The following RPS6KA5 variants were observed in gnomAD, a reference collection of about 807,000 sequenced individuals.
RPS6KA5 encodes ribosomal protein S6 kinase alpha-5.
In RPS6KA5, 27 loss-of-function variants were observed where a neutral mutation model predicts 85.5. The observed-to-expected ratio is 0.32, with a 90% confidence interval of 0.23 to 0.44. RPS6KA5 has a LOEUF of 0.44. Among genes scored for constraint, RPS6KA5 ranks in the 20% least tolerant of loss-of-function variants. The pLI is 1.00. For missense variants in RPS6KA5, 811 were observed against 980.9 expected, an observed-to-expected ratio of 0.83 and a Z score of 2.31; for synonymous variants, 334 against 348.2, an observed-to-expected ratio of 0.96 and a Z score of 0.46.
intron 4 of RPS6KA5, among the ~76,000 whole-genome samples, chr14:90,946,053 T>G (rs1364006841): frequency 2.6e-5 from 4 of 152,236 alleles, no homozygotes; most frequent in Non-Finnish European, 4.4e-5. Context: ...ATTTTTATAT[T>G]ATAAACTAAT....
chr14:91,044,273 GAAAGAAAGAGAGAGAGAGAGAA>G (rs1285695313), intron 1 of RPS6KA5, among the ~76,000 whole-genome samples: 28 of 18,570 alleles, frequency 1.5e-3, no homozygotes, highest in African/African-American at 5.4e-3. Context: ...GAGAGAGAGA[GAAAGAAAGAGAGAGAGAGAGAA>G]AGAGAGAGAA....
chr14:91,060,059 G>A (rs563135790), intron 1 of RPS6KA5: 8 of 985,408 alleles, frequency 8.1e-6, no homozygotes, highest in Middle Eastern at 5.2e-4. Context: ...GGAGGTGCGT[G>A]CCACGGGCAG....
At chr14:90,997,963 G>A (rs1211623744) in intron 2 of RPS6KA5, among the ~76,000 whole-genome samples, 1 of 144,992 alleles carries the variant, frequency 6.9e-6, no homozygotes, top group Non-Finnish European at 1.5e-5. Flanking sequence ...CTGTGAGATT[G>A]CGCCACTGCA....
Position 90,866,047 on chromosome 14 carries a change from T to A in RPS6KA5, c.*6027A>T, listed in dbSNP as rs1415814942. ...CGGAATTACAATTTATAAATGTAGG[T>A]CCACATGCAGATATCTTAATAAGTA... is the stretch of plus-strand genomic sequence containing the variant. On this transcript the variant is annotated 3_prime_UTR_variant, in exon 17 of 17. Transcript: ENST00000614987. The A allele has an allele frequency of 6.9e-6, 1 of 145,298 alleles. No individual in the cohort carries two copies. Among genetic ancestry groups the A allele is most frequent in the Non-Finnish European group, 1.5e-5 (1 of 65,314 alleles). 9.0% of individuals were successfully genotyped at this position (145,298 alleles called of 1,614,324 possible).
At chr14:91,005,516 T>TG (rs1360786395) in intron 1 of RPS6KA5, among the ~76,000 whole-genome samples, 1 of 152,128 alleles carries the variant, frequency 6.6e-6, no homozygotes, top group Non-Finnish European at 1.5e-5. Flanking sequence ...TATTTAGGCA[T>TG]GGGGGAGTAT....
chr14:90,893,968 T>C (rs752466827), intron 13 of RPS6KA5: 130 of 835,262 alleles, frequency 1.6e-4, no homozygotes, highest in Middle Eastern at 6.1e-4. Flanking sequence ...GACAACTCTT[T>C]AAGTATTTAG....
intron 3 of RPS6KA5, among the ~76,000 whole-genome samples, chr14:90,954,045 G>A (rs529516508): frequency 1.3e-5 from 2 of 152,252 alleles, no homozygotes; most frequent in African/African-American, 2.4e-5. Context: ...AAAACTTGCT[G>A]GCTTTAAGGC....
chr14:91,005,225 G>C lies in RPS6KA5; in HGVS notation c.104-4066C>G, dbSNP rs185201368. 1.8e-4 allele frequency among the ~76,000 whole-genome samples: 28 copies of C among 152,276 alleles called. 1 individual carries two copies. Among genetic ancestry groups the C allele is most frequent in the South Asian group, 6.2e-4 (3 of 4,826 alleles). On this transcript the variant is annotated intron_variant, in intron 1 of 16. Transcript: ENST00000614987. ...GTCTTTGAGTTTCATCCAGGTTTCT[G>C]ACAGTCTACTATTTTTCCACCAGAA... is the stretch of plus-strand genomic sequence containing the variant.
chr14:90,871,999 A>G lies in RPS6KA5; in HGVS notation c.*75T>C. ...TGAGACCAACGGGAAACATTTTTAA[A>G]AGCATAAAAGATCGCCTCAGGCATA... is the stretch of plus-strand genomic sequence containing the variant. On this transcript the variant is annotated 3_prime_UTR_variant, in exon 17 of 17. Coordinates refer to ENST00000614987, the MANE Select transcript of RPS6KA5 (RefSeq NM_004755.4). 1 of 1,511,566 alleles carries G rather than the reference A, an allele frequency of 6.6e-7. No individual in the cohort carries two copies. The highest frequency in any genetic ancestry group is 1.3e-5 in the South Asian group (1 of 74,730). The allele number at this position is 1,511,566 out of a possible 1,614,324, so 93.6% of individuals were successfully genotyped here.
intron 5 of RPS6KA5, among the ~76,000 whole-genome samples, chr14:90,926,069 AT>A (rs1247486287): frequency 3.3e-5 from 5 of 152,136 alleles, no homozygotes; most frequent in Non-Finnish European, 7.4e-5. Flanking sequence ...AAGACAGTAA[AT>A]TAGAGGATAC....
chr14:91,000,162 C>T (rs936732831), intron 2 of RPS6KA5, among the ~76,000 whole-genome samples: 80 of 152,244 alleles, frequency 5.3e-4, no homozygotes, highest in Middle Eastern at 3.4e-3. Context: ...TATCCATATA[C>T]ACATGTAGAT....
intron 1 of RPS6KA5, among the ~76,000 whole-genome samples, chr14:91,047,372 T>A (rs188022873): frequency 1.5e-4 from 23 of 152,266 alleles, no homozygotes; most frequent in Admixed American, 3.9e-4. Flanking sequence ...AGCCACCCAC[T>A]TCAGAGCACT....
chr14:90,888,724 T>C (rs2034379461), intron 14 of RPS6KA5, among the ~76,000 whole-genome samples: 2 of 152,096 alleles, frequency 1.3e-5, no homozygotes, highest in African/African-American at 2.4e-5. Flanking sequence ...GCGGTGGGCA[T>C]AGGAGTGGAG....
chr14:90,886,150 A>C (rs1434118363), intron 14 of RPS6KA5, among the ~76,000 whole-genome samples: 2 of 152,178 alleles, frequency 1.3e-5, no homozygotes, highest in African/African-American at 4.8e-5. Context: ...CATATAAAGA[A>C]GAGCGTGCAC....
In RPS6KA5 at chr14:90,860,321, G is replaced by A. The variant is rs950110601; in HGVS notation, c.*11753C>T. On this transcript the variant is annotated 3_prime_UTR_variant, in exon 17 of 17. Transcript: ENST00000614987. ...GGCCGAGGTGGGCAGATCACTTGAG[G>A]TCAGGAGTTTGAGACCAGCCTCGCT... 7 of 152,206 alleles carry A rather than the reference G, an allele frequency of 4.6e-5. No homozygotes were observed. The highest frequency in any genetic ancestry group is 1.9e-4 in the East Asian group (1 of 5,188). The allele number at this position is 152,206 out of a possible 1,614,324, so 9.4% of individuals were successfully genotyped here. A position where few individuals can be genotyped will look rare whatever the true frequency, so the allele number is the denominator to read the frequency against.
intron 3 of RPS6KA5, among the ~76,000 whole-genome samples, chr14:90,949,388 C>T (rs1174714954): frequency 1.3e-5 from 2 of 152,146 alleles, no homozygotes; most frequent in African/African-American, 2.4e-5. Flanking sequence ...AGTTATCTTG[C>T]TATACTGCAA....
At chr14:90,975,409 T>G (rs993241453) in intron 3 of RPS6KA5, among the ~76,000 whole-genome samples, 3 of 152,076 alleles carry the variant, frequency 2.0e-5, no homozygotes, top group African/African-American at 7.2e-5. Context: ...TGACTGTAAA[T>G]GGAGTTAAAA....
chr14:91,025,190 G>T lies in RPS6KA5; in HGVS notation c.104-24031C>A, dbSNP rs111942752. ...CCCCCGAGTAGCTGGGACTACAGGC[G>T]CCTGCCACCATGCTCGGCTAATTTT... On this transcript the variant is annotated intron_variant, in intron 1 of 16. Coordinates refer to ENST00000614987, the MANE Select transcript of RPS6KA5 (RefSeq NM_004755.4). Among the ~76,000 whole-genome samples, 647 of 152,140 alleles carry T rather than the reference G, an allele frequency of 4.3e-3. 4 individuals are homozygous for T. Among genetic ancestry groups the T allele is most frequent in the African/African-American group, 0.014 (597 of 41,532 alleles).
chr14:91,004,973 A>AAAAAAAAC (rs746800335), intron 1 of RPS6KA5, among the ~76,000 whole-genome samples: 19 of 152,024 alleles, frequency 1.2e-4, no homozygotes, highest in East Asian at 5.8e-4. Flanking sequence ...CCGTCTCAAA[A>AAAAAAAAC]AAAAAAACAA....
Sources: allele counts gnomAD v4.1 joint callset (sites outside exome capture counted in the v4.1 genomes callset), GRCh38; gene constraint gnomAD v4.1.1; transcripts MANE v1.5; gene names NCBI Gene and HGNC (gene_info 2026-07-23, HGNC 2026-07-21).